Variants in MCM3AP observed in about 807,000 individuals in gnomAD.
The protein encoded by MCM3AP is minichromosome maintenance complex component 3 associated protein, also known as germinal-center associated nuclear protein.
MCM3AP carries 126 observed loss-of-function variants against 184.1 expected under a neutral mutation model. The observed-to-expected ratio is 0.68, with a 90% CI of 0.59 to 0.79. The LOEUF is 0.79. Ranked by LOEUF, MCM3AP falls within the 30% of genes least tolerant of loss-of-function variation. The pLI, the probability that MCM3AP is intolerant of heterozygous loss-of-function variation, is 0.00. For synonymous variants in MCM3AP, 1,002 were observed against 979.3 expected (o/e 1.02, Z -0.43); for missense variants, 2,496 against 2,479.2 (o/e 1.01, Z -0.14).
intron 5 of MCM3AP, among the ~76,000 whole-genome samples, chr21:46,276,930 G>A (rs2081264330): frequency 6.6e-6 from 1 of 151,594 alleles, no homozygotes; most frequent in Non-Finnish European, 1.5e-5. Flanking sequence ...TTTATTTATT[G>A]TAGAGATGGG....
chr21:46,279,269 C>CGA (rs1555914464), intron 4 of MCM3AP, among the ~76,000 whole-genome samples: 11 of 151,830 alleles, frequency 7.2e-5, no homozygotes, highest in Non-Finnish European at 1.3e-4. Flanking sequence ...ACCTGGGCAA[C>CGA]AGCCAGACTG....
chr21:46,270,986 GTTACT>G (rs1157326292), intron 8 of MCM3AP, among the ~76,000 whole-genome samples: 1 of 152,168 alleles, frequency 6.6e-6, no homozygotes, highest in Non-Finnish European at 1.5e-5. Context: ...TTATCAAAAA[GTTACT>G]TTAAAGTAAT....
chr21:46,251,658 G>T lies in MCM3AP; in HGVS notation c.4161C>A (p.Val1387=). 1 of 1,594,780 alleles carries T rather than the reference G, an allele frequency of 6.3e-7. No homozygotes were observed. Among genetic ancestry groups the T allele is most frequent in the Non-Finnish European group, 8.6e-7 (1 of 1,164,630 alleles). Residue 1387 remains valine, a synonymous_variant, in exon 20 of 28, where the codon GTC becomes GTA. Transcript: ENST00000291688. Reference sequence around the variant, plus strand: ...CTGAGCCTTCATCTCCCATGAACTTGACTTTTAACCAATTTGCTAGAATTC... The same window carrying T: ...CTGAGCCTTCATCTCCCATGAACTTTACTTTTAACCAATTTGCTAGAATTC... ...CGRILANWLK[V]KFMGDEGSVD... is the part of the protein sequence containing the mutation.
chr21:46,261,240 C>T, intron 14 of MCM3AP, 40 bp downstream of exon 14: 1 of 1,611,262 alleles, frequency 6.2e-7, no homozygotes, highest in Non-Finnish European at 8.5e-7. Context: ...TGTGTCCACA[C>T]TGAGCTCCTT....
rs573093577 is a variant in MCM3AP, at chr21:46,258,460, C to A, written c.3734+479G>T. Among the ~76,000 whole-genome samples, 7 of 152,294 alleles carry A rather than the reference C, an allele frequency of 4.6e-5. No individual in the cohort carries two copies. The East Asian group carries it at 1.2e-3, about 25-fold the overall frequency. On this transcript the variant is annotated intron_variant, in intron 16 of 27. Transcript: ENST00000291688. ...TGAGATTATGATCATTATTTTCCTT[C>A]TTTTCTTTAGGGTTATACCACTATA...
chr21:46,236,752 T>G, intron 27 of MCM3AP, 77 bp downstream of exon 27: 1 of 977,056 alleles, frequency 1.0e-6, no homozygotes, highest in South Asian at 1.7e-5. Context: ...GGATAAATCG[T>G]GATATTACTT....
At chr21:46,246,925 G>A in intron 20 of MCM3AP, 39 bp from the exon 21 acceptor site, 1 of 1,601,762 alleles carries the variant, frequency 6.2e-7, no homozygotes, top group Non-Finnish European at 8.5e-7. Flanking sequence ...GATGCACCAT[G>A]GGACGCATCA....
Position 46,246,799 on chromosome 21 carries a change from G to GCAGCAGCATGAGCCCACT in MCM3AP, c.4360_4377dup (p.Ser1454_Leu1459dup). ...TCCTCACTCTTCATTTTGGGGGGAA[G>GCAGCAGCATGAGCCCACT]CAGCAGCATGAGCCCACTGGCTCCC... On this transcript the variant is annotated inframe_insertion, in exon 21 of 28. Transcript: ENST00000291688. 1 of 1,614,208 alleles carries GCAGCAGCATGAGCCCACT rather than the reference G, an allele frequency of 6.2e-7. No homozygotes were observed. The highest frequency in any genetic ancestry group is 8.5e-7 in the Non-Finnish European group (1 of 1,180,032).
intron 18 of MCM3AP, 71 bp from the exon 19 acceptor site, chr21:46,254,597 G>C (rs2080920208): frequency 9.5e-6 from 15 of 1,572,466 alleles, no homozygotes; most frequent in Non-Finnish European, 1.3e-5. Context: ...CACATCCTAT[G>C]AGCAGGAAGG....
Position 46,283,640 on chromosome 21 carries a change from A to G in MCM3AP, c.1418T>C (p.Leu473Pro). The G allele has an allele frequency of 1.2e-6, 2 of 1,614,032 alleles. No homozygotes were observed. Among genetic ancestry groups the G allele is most frequent in the Non-Finnish European group, 1.7e-6 (2 of 1,179,900 alleles). Reference protein sequence around the residue: ...QRIFTRRSKKLAVVHFFDHAS... With the variant: ...QRIFTRRSKKPAVVHFFDHAS... ...ATGATCAAAGAAATGTACCACTGCA[A>G]GCTTTTTGCTGCGCCTGGTAAAGAT... Residue 473 changes from leucine to proline, a missense_variant, in exon 2 of 28, where the codon CTT (leucine) becomes CCT (proline). Physicochemically the swap from Leu to Pro is moderately conservative, Grantham distance 98 (BLOSUM62 -3). Transcript: ENST00000291688.
At chr21:46,237,215 C>CGTCAGCCTCCTGA (rs2080556710) in intron 26 of MCM3AP, among the ~76,000 whole-genome samples, 1 of 150,428 alleles carries the variant, frequency 6.6e-6, no homozygotes, top group South Asian at 2.1e-4. Flanking sequence ...GATTCTCCTG[C>CGTCAGCCTCCTGA]GTCAGCCTCC....
chr21:46,257,924 C>CAAA (rs5844261), intron 16 of MCM3AP, among the ~76,000 whole-genome samples: 16 of 97,048 alleles, frequency 1.6e-4, no homozygotes, highest in African/African-American at 3.5e-4. Flanking sequence ...GACTCCATCT[C>CAAA]AAAAAAAAAA....
At chr21:46,254,640 G>A (rs2080920842) in intron 18 of MCM3AP, 114 bp from the exon 19 acceptor site, 1 of 1,456,282 alleles carries the variant, frequency 6.9e-7, no homozygotes, top group Non-Finnish European at 9.5e-7. Context: ...TTCAGAGATT[G>A]AACTGCAAAC....
chr21:46,273,270 T>C lies in MCM3AP; in HGVS notation c.2196+118A>G, dbSNP rs1012143679. 1.5e-5 allele frequency: 15 copies of C among 1,005,776 alleles called. No individual in the cohort carries two copies. In the South Asian group the frequency reaches 2.0e-4, roughly 14 times the overall value. The allele number at this position is 1,005,776 out of a possible 1,614,324, so 62.3% of individuals were successfully genotyped here. On this transcript the variant is annotated intron_variant, in intron 7 of 27. Coordinates refer to ENST00000291688, the MANE Select transcript of MCM3AP (RefSeq NM_003906.5). ...GATTACAGGCCTGAGCCACTGCACCTGGCCCACAAAAGTACATTTTTGTTA... is the reference window on the plus strand; with the variant it reads ...GATTACAGGCCTGAGCCACTGCACCCGGCCCACAAAAGTACATTTTTGTTA...
chr21:46,266,345 A>C, intron 10 of MCM3AP, 179 bp from the exon 11 acceptor site: 1 of 588,146 alleles, frequency 1.7e-6, no homozygotes, highest in Non-Finnish European at 2.9e-6. Flanking sequence ...AGGTCCCTAG[A>C]ACCACTAAGC....
chr21:46,261,392 C>A lies in MCM3AP; in HGVS notation c.3355G>T (p.Glu1119Ter). The change falls in exon 14 of 28, where the codon GAG becomes TAG. Residue 1119 changes from glutamate to a stop codon, truncating the protein, a stop_gained. Transcript: ENST00000291688. LOFTEE classifies it high-confidence loss of function. ...AALGVSNAAM[E>*]DLLTAATTGI... ...GTGGTTGCAGCTGTTAACAAATCCT[C>A]CATAGCAGCATTAGAAACACTAAAC... 6.2e-7 allele frequency: 1 copy of A among 1,614,106 alleles called. No homozygotes were observed. The highest frequency in any genetic ancestry group is 8.5e-7 in the Non-Finnish European group (1 of 1,180,004).
chr21:46,283,666 G>A lies in MCM3AP; in HGVS notation c.1392C>T (p.Arg464=). ...NHFGKIAKVQ[R]IFTRRSKKLA... ...GCTTTTTGCTGCGCCTGGTAAAGAT[G>A]CGCTGCACTTTAGCAATTTTGCCAA... The change falls in exon 2 of 28, where the codon CGC becomes CGT. Residue 464 remains arginine, a synonymous_variant. Coordinates refer to ENST00000291688, the MANE Select transcript of MCM3AP (RefSeq NM_003906.5). 1 of 1,614,120 alleles carries A rather than the reference G, an allele frequency of 6.2e-7. No individual in the cohort carries two copies. The highest frequency in any genetic ancestry group is 8.5e-7 in the Non-Finnish European group (1 of 1,179,982).
rs2839170 is a variant in MCM3AP at position 46,251,391 on chromosome 21, A to G, written c.4290+138T>C. Reference sequence around the variant, plus strand: ...TTTTAAACGACATGTACGGACAGACATAATACTTGCTTCTGAGCCTCCCAG... The same window carrying G: ...TTTTAAACGACATGTACGGACAGACGTAATACTTGCTTCTGAGCCTCCCAG... On this transcript the variant is annotated intron_variant, in intron 20 of 27. Transcript: ENST00000291688. 0.4 allele frequency: 267,631 copies of G among 675,456 alleles called. 54,100 individuals are homozygous for G. Among genetic ancestry groups the G allele is most frequent in the Admixed American group, 0.49 (15,903 of 32,198 alleles). 41.8% of individuals were successfully genotyped at this position (675,456 alleles called of 1,614,324 possible). A position where few individuals can be genotyped will look rare whatever the true frequency, so the allele number is the denominator to read the frequency against.
intron 2 of MCM3AP, among the ~76,000 whole-genome samples, chr21:46,282,584 C>A (rs1490793758): frequency 6.6e-6 from 1 of 152,022 alleles, no homozygotes; most frequent in South Asian, 2.1e-4. Context: ...GCAGGCAGAT[C>A]GTGAGGTCAG....
Sources: allele counts gnomAD v4.1 joint callset (sites outside exome capture counted in the v4.1 genomes callset), GRCh38; gene constraint gnomAD v4.1.1; transcripts MANE v1.5; gene names NCBI Gene and HGNC (gene_info 2026-07-23, HGNC 2026-07-21).